KLK7: variants seen among roughly 807,000 people sequenced by gnomAD.
The protein encoded by KLK7 is kallikrein-7.
In KLK7, 17 loss-of-function variants were observed where a neutral mutation model predicts 21.0. The observed-to-expected ratio is 0.81, with a 90% CI of 0.55 to 1.21. The LOEUF is 1.21. Among genes scored for constraint, KLK7 ranks in the 50% most tolerant of loss-of-function variants. The probability of loss-of-function intolerance (pLI) is 0.00; values close to 1 mark genes in which losing one functional copy is unlikely to be tolerated. For missense variants in KLK7, 330 were observed against 322.8 expected (o/e 1.02, Z -0.17); for synonymous variants, 151 against 134.6 (o/e 1.12, Z -0.85).
intron 1 of KLK7, among the ~76,000 whole-genome samples, chr19:50,983,320 C>T (rs767280400): frequency 0.012 from 31 of 2,488 alleles, 6 homozygotes; most frequent in Middle Eastern, 0.25. Context: ...AGTCCAGGCC[C>T]CAGCCCCTCC....
At chr19:50,979,675 T>TG (rs1430753791) in intron 5 of KLK7, 113 bp downstream of exon 5, 3 of 1,058,566 alleles carry the variant, frequency 2.8e-6, no homozygotes, top group East Asian at 5.3e-5. Flanking sequence ...AGGCCAGGCC[T>TG]GGGGGGAGGG....
rs2091044869 is a variant in KLK7, at chr19:50,977,264, G to C, written c.*272C>G. 2.6e-6 allele frequency: 1 copy of C among 379,782 alleles called. No homozygotes were observed. Among genetic ancestry groups the C allele is most frequent in the African/African-American group, 2.0e-5 (1 of 49,078 alleles). The allele number at this position is 379,782 out of a possible 1,614,324, so 23.5% of individuals were successfully genotyped here. A position where few individuals can be genotyped will look rare whatever the true frequency, so the allele number is the denominator to read the frequency against. On this transcript the variant is annotated 3_prime_UTR_variant, in exon 6 of 6. Coordinates refer to ENST00000595820, the MANE Select transcript of KLK7 (RefSeq NM_005046.4). Reference sequence around the variant, plus strand: ...AAGGGTCTCGGTGTACGTTGACCAAGTGTCTTCCGTAAAGACTGTACGAAC... The same window carrying C: ...AAGGGTCTCGGTGTACGTTGACCAACTGTCTTCCGTAAAGACTGTACGAAC...
rs2091043565 is a variant in KLK7 at position 50,977,018 on chromosome 19, C to T, written c.*518G>A. The T allele has an allele frequency of 6.5e-6, 1 of 153,502 alleles. No individual in the cohort carries two copies. The highest frequency in any genetic ancestry group is 2.4e-5 in the African/African-American group (1 of 41,422). 9.5% of individuals were successfully genotyped at this position (153,502 alleles called of 1,614,324 possible). On this transcript the variant is annotated 3_prime_UTR_variant, in exon 6 of 6. Coordinates refer to ENST00000595820, the MANE Select transcript of KLK7 (RefSeq NM_005046.4). Reference sequence around the variant, plus strand: ...CAAGATTGCATCACTGCATTGCAGCCCAAGCAACAGAGACTCTGTCTCAAA... The same window carrying T: ...CAAGATTGCATCACTGCATTGCAGCTCAAGCAACAGAGACTCTGTCTCAAA...
chr19:50,981,942 G>A, intron 2 of KLK7, 28 bp from the exon 3 acceptor site: 1 of 1,609,752 alleles, frequency 6.2e-7, no homozygotes, highest in Non-Finnish European at 8.5e-7. Context: ...GGAGCACGTG[G>A]GTAGCTAGCA....
At chr19:50,980,867 TCCAGAGAGAGAGG>T (rs2091075543) in intron 3 of KLK7, among the ~76,000 whole-genome samples, 1 of 61,664 alleles carries the variant, frequency 1.6e-5, no homozygotes. Context: ...GGGACAGAGA[TCCAGAGAGAGAGG>T]GACAGAGACC....
intron 5 of KLK7, 24 bp from the exon 6 acceptor site, chr19:50,977,715 T>A: frequency 6.2e-7 from 1 of 1,605,698 alleles, no homozygotes; most frequent in Non-Finnish European, 8.5e-7. Context: ...AGCCGGAGAT[T>A]AACTTTGGCT....
upstream of KLK7, chr19:50,983,992 A>G: frequency 5.0e-6 from 6 of 1,203,806 alleles, no homozygotes; most frequent in Non-Finnish European, 6.6e-6. Context: ...GTGCAGGCGG[A>G]GCCGACTCTG....
In KLK7 at chr19:50,981,957, G is replaced by A. The variant is rs192234200; in HGVS notation, c.74-43C>T. ...GGAGCACGTGGGTAGCTAGCATTAG[G>A]GGAAGGCTGAGGCTGCACCTCAGGG... On this transcript the variant is annotated intron_variant, in intron 2 of 5. Transcript: ENST00000595820. 53 of 1,601,814 alleles carry A rather than the reference G, an allele frequency of 3.3e-5. No homozygotes were observed. In the African/African-American group the frequency reaches 5.3e-4, roughly 16 times the overall value.
At chr19:50,979,031 CAA>C (rs1466472012) in intron 5 of KLK7, among the ~76,000 whole-genome samples, 1 of 151,506 alleles carries the variant, frequency 6.6e-6, no homozygotes, top group Non-Finnish European at 1.5e-5. Context: ...AGAGAAAAAA[CAA>C]AGAGGAAAAG....
intron 2 of KLK7, 72 bp from the exon 3 acceptor site, chr19:50,981,986 C>A: frequency 6.7e-7 from 1 of 1,490,174 alleles, no homozygotes; most frequent in South Asian, 1.2e-5. Flanking sequence ...CTCAGGGATT[C>A]CCAGAGTCAG....
At chr19:50,980,913 CAG>C (rs1174530062) in intron 3 of KLK7, among the ~76,000 whole-genome samples, 6 of 130,014 alleles carry the variant, frequency 4.6e-5, no homozygotes, top group Non-Finnish European at 9.3e-5. Context: ...GACAGAGACC[CAG>C]AGAGAGGGGA....
Position 50,980,273 on chromosome 19 carries a change from C to G in KLK7, c.436G>C (p.Val146Leu), listed in dbSNP as rs759790552. The change falls in exon 4 of 6, where the codon GTC becomes CTC. Residue 146 changes from valine (V) to leucine (L), a missense_variant. Transcript: ENST00000595820. ...RCEPPGTTCT[V>L]SGWGTTTSPD... is the part of the protein sequence containing the mutation. Reference sequence around the variant, plus strand: ...CTCGTGGTAGTGCCCCAGCCGGAGACAGTACAGGTGGTTCCAGGGGGTTCG... The same window carrying G: ...CTCGTGGTAGTGCCCCAGCCGGAGAGAGTACAGGTGGTTCCAGGGGGTTCG... 2 of 1,613,986 alleles carry G rather than the reference C, an allele frequency of 1.2e-6. No individual in the cohort carries two copies. Among genetic ancestry groups the G allele is most frequent in the Non-Finnish European group, 1.7e-6 (2 of 1,179,960 alleles).
In KLK7 at chr19:50,977,769, G is replaced by A. The variant is rs113446404; in HGVS notation, c.607-78C>T. ...CATTCTCATACATTCCTCAGTTATC[G>A]GTCTTTGTCTTGCAGATTATGGACT... On this transcript the variant is annotated intron_variant, in intron 5 of 5. Coordinates refer to ENST00000595820, the MANE Select transcript of KLK7 (RefSeq NM_005046.4). 4.2e-5 allele frequency: 61 copies of A among 1,453,736 alleles called. No homozygotes were observed. In the African/African-American group the frequency reaches 5.0e-4, roughly 12 times the overall value. The allele number at this position is 1,453,736 out of a possible 1,614,324, so 90.1% of individuals were successfully genotyped here. A position where few individuals can be genotyped will look rare whatever the true frequency, so the allele number is the denominator to read the frequency against.
At position 50,977,489 on chromosome 19, in the gene KLK7, TG is replaced by T. The variant is rs1178075810; in HGVS notation, c.*46del. Reference sequence around the variant, plus strand: ...CATAGGTCATCGGCGTCCTCACTCCTGTGCATTTTCTGTTGGAAGCACACAG... The same window carrying T: ...CATAGGTCATCGGCGTCCTCACTCCTTGCATTTTCTGTTGGAAGCACACAG... On this transcript the variant is annotated 3_prime_UTR_variant, in exon 6 of 6. Transcript: ENST00000595820. 1 of 1,594,076 alleles carries T rather than the reference TG, an allele frequency of 6.3e-7. No individual in the cohort carries two copies. The highest frequency in any genetic ancestry group is 8.6e-7 in the Non-Finnish European group (1 of 1,162,616).
rs371407092 is a variant in KLK7 at position 50,977,709 on chromosome 19, G to A, written c.607-18C>T. On this transcript the variant is annotated intron_variant, in intron 5 of 5. Coordinates refer to ENST00000595820, the MANE Select transcript of KLK7 (RefSeq NM_005046.4). ...GAGTCACCCTAGAGGGAATAGAGCC[G>A]GAGATTAACTTTGGCTTCAGATCAA... 36 of 1,606,658 alleles carry A rather than the reference G, an allele frequency of 2.2e-5. No individual in the cohort carries two copies. The highest frequency in any genetic ancestry group is 2.0e-4 in the Middle Eastern group (1 of 5,000).
In KLK7 at chr19:50,981,880, A is replaced by G; in HGVS notation, c.108T>C (p.Cys36=). ...CCTGCCATGGGTGGGAGCCTCTTGCACATGGGGCGCCATCAATAATCTTGT... is the reference window on the plus strand; with the variant it reads ...CCTGCCATGGGTGGGAGCCTCTTGCGCATGGGGCGCCATCAATAATCTTGT... ...QGDKIIDGAP[C]ARGSHPWQVA... The change falls in exon 3 of 6, where the codon TGT becomes TGC. Residue 36 remains cysteine (C), a synonymous_variant. Transcript: ENST00000595820. The G allele has an allele frequency of 6.2e-7, 1 of 1,612,656 alleles. No individual in the cohort carries two copies. Among genetic ancestry groups the G allele is most frequent in the Non-Finnish European group, 8.5e-7 (1 of 1,179,642 alleles).
intron 5 of KLK7, among the ~76,000 whole-genome samples, 160 bp downstream of exon 5, chr19:50,979,628 C>A (rs2091060900): frequency 6.6e-6 from 1 of 152,132 alleles, no homozygotes; most frequent in South Asian, 2.1e-4. Context: ...ACTCCCACCC[C>A]TGACCTAGGC....
In KLK7 at chr19:50,977,420, G is replaced by A. The variant is rs2091045842; in HGVS notation, c.*116C>T. On this transcript the variant is annotated 3_prime_UTR_variant, in exon 6 of 6. Coordinates refer to ENST00000595820, the MANE Select transcript of KLK7 (RefSeq NM_005046.4). ...TGGTTTATCAACAGGGCATGAGGTT[G>A]GTTTAAATATATCTTTGAGGAAAGG... The A allele has an allele frequency of 1.6e-5, 11 of 707,944 alleles. No individual in the cohort carries two copies. The highest frequency in any genetic ancestry group is 1.9e-5 in the Non-Finnish European group (9 of 470,782). 43.9% of individuals were successfully genotyped at this position (707,944 alleles called of 1,614,324 possible).
At chr19:50,978,283 G>C (rs1344963252) in intron 5 of KLK7, among the ~76,000 whole-genome samples, 1 of 152,092 alleles carries the variant, frequency 6.6e-6, no homozygotes, top group Admixed American at 6.6e-5. Context: ...CTATTCTCTA[G>C]GACAGTCATC....
Sources: allele counts gnomAD v4.1 joint callset (sites outside exome capture counted in the v4.1 genomes callset), GRCh38; gene constraint gnomAD v4.1.1; transcripts MANE v1.5; gene names NCBI Gene and HGNC (gene_info 2026-07-23, HGNC 2026-07-21).